The following PTPRT variants were observed in gnomAD, a reference collection of about 807,000 sequenced individuals.
PTPRT encodes the protein receptor-type tyrosine-protein phosphatase T.
A neutral mutation model predicts 176.8 loss-of-function variants in PTPRT; 56 were observed. The ratio of observed to expected loss-of-function variants is 0.32; its 90% CI spans 0.26 to 0.40. The LOEUF is 0.40. Among genes scored for constraint, PTPRT ranks in the 10% least tolerant of loss-of-function variants. The pLI, the probability that PTPRT is intolerant of heterozygous loss-of-function variation, is 1.00. For missense variants in PTPRT, 1,540 were observed against 1,908.2 expected (o/e 0.81, Z 3.60); for synonymous variants, 783 against 739.0 (o/e 1.06, Z -0.96).
At chr20:43,146,191 T>C (rs963570007) in intron 1 of PTPRT, among the ~76,000 whole-genome samples, 2 of 152,208 alleles carry the variant, frequency 1.3e-5, no homozygotes, top group Admixed American at 6.5e-5. Context: ...TAATCCCCAC[T>C]GACACACTAA....
chr20:42,683,784 G>A (rs6030409), intron 6 of PTPRT, among the ~76,000 whole-genome samples: 12,819 of 152,090 alleles, frequency 0.084, 604 homozygotes, highest in South Asian at 0.16. Context: ...AGCTTTCCTT[G>A]ACCTTGGCTT....
At chr20:42,146,111 T>C (rs1043806740) in intron 17 of PTPRT, among the ~76,000 whole-genome samples, 4 of 152,176 alleles carry the variant, frequency 2.6e-5, no homozygotes, top group Non-Finnish European at 4.4e-5. Context: ...TGCAGGTAAC[T>C]CTTAGAACTC....
intron 7 of PTPRT, among the ~76,000 whole-genome samples, chr20:42,567,054 C>G (rs2073051337): frequency 6.6e-6 from 1 of 152,008 alleles, no homozygotes; most frequent in Non-Finnish European, 1.5e-5. Flanking sequence ...GGTGGATCAC[C>G]TGATGTCAGG....
intron 6 of PTPRT, among the ~76,000 whole-genome samples, chr20:42,688,853 G>A (rs2075744835): frequency 6.6e-6 from 1 of 152,200 alleles, no homozygotes; most frequent in Non-Finnish European, 1.5e-5. Context: ...AATGAGGGCT[G>A]ACTCTGCTAT....
chr20:42,641,459 G>A (rs1249374688), intron 7 of PTPRT, among the ~76,000 whole-genome samples: 1 of 152,052 alleles, frequency 6.6e-6, no homozygotes, highest in East Asian at 1.9e-4. Flanking sequence ...CTGTCTCCTC[G>A]CTCCCTCGCC....
At chr20:42,726,738 CTT>C (rs1422866302) in intron 6 of PTPRT, among the ~76,000 whole-genome samples, 1 of 152,242 alleles carries the variant, frequency 6.6e-6, no homozygotes, top group East Asian at 1.9e-4. Flanking sequence ...TTCCATCTCT[CTT>C]GTCCTCCTCC....
At chr20:42,275,968 T>C (rs2057022111) in intron 13 of PTPRT, among the ~76,000 whole-genome samples, 1 of 152,062 alleles carries the variant, frequency 6.6e-6, no homozygotes, top group Admixed American at 6.6e-5. Context: ...CTCCAAAAGT[T>C]TGACAAGATT....
chr20:42,847,437 A>G (rs2078393523), intron 2 of PTPRT, among the ~76,000 whole-genome samples: 1 of 152,202 alleles, frequency 6.6e-6, no homozygotes, highest in Admixed American at 6.5e-5. Context: ...TATACAGGCC[A>G]GCCTTTCAGG....
chr20:42,561,215 G>A (rs2072946349), intron 7 of PTPRT, among the ~76,000 whole-genome samples: 1 of 152,190 alleles, frequency 6.6e-6, no homozygotes, highest in South Asian at 2.1e-4. Context: ...AGTTTCCTTA[G>A]AGGCTACCAT....
In PTPRT at chr20:42,078,137, A is replaced by G. The variant is rs1392271652; in HGVS notation, c.*2742T>C. The stretch of plus-strand genomic sequence containing the variant: ...GGGTGGGTCCCCGGGGTCTGCTGAA[A>G]TACACCTGGGGAGAGGCTCATCAAA... On this transcript the variant is annotated 3_prime_UTR_variant, in exon 31 of 31. Coordinates refer to ENST00000373187, the MANE Select transcript of PTPRT (RefSeq NM_007050.6). 5.3e-6 allele frequency: 1 copy of G among 188,830 alleles called. No individual in the cohort carries two copies. The highest frequency in any genetic ancestry group is 1.1e-5 in the Non-Finnish European group (1 of 89,586). 11.7% of individuals were successfully genotyped at this position (188,830 alleles called of 1,614,324 possible). A position where few individuals can be genotyped will look rare whatever the true frequency, so the allele number is the denominator to read the frequency against.
intron 9 of PTPRT, among the ~76,000 whole-genome samples, chr20:42,369,168 G>T (rs1401225560): frequency 1.3e-5 from 2 of 151,012 alleles, no homozygotes; most frequent in African/African-American, 2.4e-5. Context: ...TCACTGTGTT[G>T]CCCAGACTGG....
intron 1 of PTPRT, among the ~76,000 whole-genome samples, chr20:42,997,850 T>C (rs1260303827): frequency 2.0e-5 from 3 of 152,122 alleles, no homozygotes; most frequent in African/African-American, 7.2e-5. Flanking sequence ...CCAGTCTCAC[T>C]TCATATTATG....
chr20:42,102,219 G>A lies in PTPRT; in HGVS notation c.3619C>T (p.Arg1207Ter). The change falls in exon 26 of 31, where the codon CGA becomes TGA. Residue 1207 changes from arginine to a stop codon, truncating the protein, a stop_gained. Coordinates refer to ENST00000373187, the MANE Select transcript of PTPRT (RefSeq NM_007050.6). LOFTEE classifies it high-confidence loss of function. The stretch of plus-strand genomic sequence containing the variant: ...TCCAGAGGCAGCACGTCCATACTTC[G>A]ATTCTTATCATGGTTCCGGGGCAGG... ...GLLPRNHDKN[R>*]SMDVLPLDRC... is the part of the protein sequence containing the mutation. 2 of 1,614,162 alleles carry A rather than the reference G, an allele frequency of 1.2e-6. No individual in the cohort carries two copies. The highest frequency in any genetic ancestry group is 1.7e-6 in the Non-Finnish European group (2 of 1,180,022).
intron 9 of PTPRT, among the ~76,000 whole-genome samples, chr20:42,402,156 T>C (rs1354432815): frequency 6.6e-6 from 1 of 151,978 alleles, no homozygotes; most frequent in Admixed American, 6.6e-5. Context: ...GTGTGGGAGA[T>C]GGGGAGAGAA....
In PTPRT at chr20:42,184,535, C is replaced by CTTCTTCTTCTTCTTCT. The variant is rs1568652084; in HGVS notation, c.2491+14704_2491+14705insAGAAGAAGAAGAAGAA. ...CTCCTCCTCCTTCTTCTTCTTCTTCCTCTTCCTCTTCTTCTTCTTCTTCTT... is the reference window on the plus strand; with the variant it reads ...CTCCTCCTCCTTCTTCTTCTTCTTCCTTCTTCTTCTTCTTCTTCTTCCTCTTCTTCTTCTTCTTCTT... On this transcript the variant is annotated intron_variant, in intron 16 of 30. Transcript: ENST00000373187. Among the ~76,000 whole-genome samples the CTTCTTCTTCTTCTTCT allele has an allele frequency of 5.7e-3, 209 of 36,642 alleles. 5 individuals are homozygous for CTTCTTCTTCTTCTTCT. Among genetic ancestry groups the CTTCTTCTTCTTCTTCT allele is most frequent in the South Asian group, 9.2e-3 (6 of 654 alleles). 24.0% of individuals were successfully genotyped at this position (36,642 alleles called of 152,430 possible). A position where few individuals can be genotyped will look rare whatever the true frequency, so the allele number is the denominator to read the frequency against.
At chr20:42,971,711 G>A (rs984668523) in intron 1 of PTPRT, among the ~76,000 whole-genome samples, 2 of 152,114 alleles carry the variant, frequency 1.3e-5, no homozygotes, top group African/African-American at 4.8e-5. Flanking sequence ...CGGATACCAG[G>A]CTCCGTTGCA....
intron 1 of PTPRT, among the ~76,000 whole-genome samples, chr20:43,132,806 T>A (rs183987556): frequency 3.3e-4 from 50 of 152,258 alleles, no homozygotes; most frequent in African/African-American, 1.1e-3. Flanking sequence ...ATAGAGAGAA[T>A]ACAATAGATG....
chr20:42,268,130 C>G (rs781620985), intron 13 of PTPRT, among the ~76,000 whole-genome samples: 3 of 152,000 alleles, frequency 2.0e-5, no homozygotes, highest in Admixed American at 1.3e-4. Context: ...TCACTCAGAC[C>G]CAGGCAGTTA....
At chr20:42,483,186 G>C (rs1262692559) in intron 7 of PTPRT, among the ~76,000 whole-genome samples, 1 of 152,066 alleles carries the variant, frequency 6.6e-6, no homozygotes, top group African/African-American at 2.4e-5. Flanking sequence ...CTTTGTTTTT[G>C]AGACAGTCTC....
Sources: allele counts gnomAD v4.1 joint callset (sites outside exome capture counted in the v4.1 genomes callset), GRCh38; gene constraint gnomAD v4.1.1; transcripts MANE v1.5; gene names NCBI Gene and HGNC (gene_info 2026-07-23, HGNC 2026-07-21).